The following LAMA2 variants were observed in gnomAD, a reference collection of about 807,000 sequenced individuals.
LAMA2 encodes the protein laminin subunit alpha-2.
LAMA2 carries 269 observed loss-of-function variants against 364.8 expected under a neutral mutation model. The observed-to-expected ratio is 0.74, with a 90% confidence interval of 0.67 to 0.82. The LOEUF (loss-of-function observed/expected upper bound fraction) is 0.82, where lower values mean the gene tolerates loss of function less well. Among genes scored for constraint, LAMA2 ranks in the 40% least tolerant of loss-of-function variants. LAMA2 has a pLI of 0.00. For synonymous variants in LAMA2, 1,379 were observed against 1,370.6 expected (o/e 1.01, Z -0.14); for missense variants, 3,807 against 3,873.2 (o/e 0.98, Z 0.45).
intron 1 of LAMA2, among the ~76,000 whole-genome samples, chr6:128,936,143 C>G (rs11969799): frequency 0.01 from 1,538 of 152,288 alleles, 31 homozygotes; most frequent in African/African-American, 0.035. Flanking sequence ...TGAGGTCTCC[C>G]CAGCCGTGCT....
At chr6:129,252,505 T>A (rs1189618817) in intron 14 of LAMA2, among the ~76,000 whole-genome samples, 1 of 152,226 alleles carries the variant, frequency 6.6e-6, no homozygotes, top group Non-Finnish European at 1.5e-5. Context: ...TTTTTATTAT[T>A]ATTGATGATT....
chr6:129,173,441 C>T (rs184420091), intron 9 of LAMA2, among the ~76,000 whole-genome samples: 24 of 152,264 alleles, frequency 1.6e-4, no homozygotes, highest in Non-Finnish European at 3.2e-4. Flanking sequence ...TTTAGACTTT[C>T]TCTTGAGGTC....
chr6:129,457,420 A>G (rs2114796644), intron 48 of LAMA2, among the ~76,000 whole-genome samples: 1 of 152,196 alleles, frequency 6.6e-6, no homozygotes, highest in South Asian at 2.1e-4. Context: ...ACAGTAGTAC[A>G]AAAGCCATGA....
intron 5 of LAMA2, among the ~76,000 whole-genome samples, chr6:129,146,701 C>T (rs1398483369): frequency 6.6e-6 from 1 of 152,000 alleles, no homozygotes; most frequent in African/African-American, 2.4e-5. Flanking sequence ...CTAGCATGGA[C>T]TTGGTGCTGA....
At chr6:129,506,442 T>C (rs893716612) in intron 61 of LAMA2, among the ~76,000 whole-genome samples, 2 of 152,070 alleles carry the variant, frequency 1.3e-5, no homozygotes, top group South Asian at 4.1e-4. Context: ...ATGAAAATGA[T>C]GGTATGTATT....
intron 1 of LAMA2, among the ~76,000 whole-genome samples, chr6:128,888,430 A>G (rs1312101287): frequency 6.6e-6 from 1 of 152,246 alleles, no homozygotes; most frequent in Non-Finnish European, 1.5e-5. Context: ...GAAGCAACAA[A>G]AGAACACCTA....
intron 15 of LAMA2, among the ~76,000 whole-genome samples, chr6:129,264,473 T>TAATATTCA (rs1385803948): frequency 3.3e-5 from 5 of 152,094 alleles, no homozygotes; most frequent in African/African-American, 1.2e-4. Context: ...TGTGTATTTA[T>TAATATTCA]AATATTCAGG....
chr6:129,159,034 C>T, intron 8 of LAMA2: 1 of 1,580,234 alleles, frequency 6.3e-7, no homozygotes, highest in Non-Finnish European at 8.7e-7. Context: ...TGCCGTGGAG[C>T]ATACTATCCA....
rs573183548 is a variant in LAMA2 at position 129,450,252 on chromosome 6, T to G, written c.6430-2736T>G. Among the ~76,000 whole-genome samples the G allele has an allele frequency of 3.3e-5, 5 of 152,284 alleles. No homozygotes were observed. In the East Asian group the frequency reaches 9.6e-4, roughly 29 times the overall value. ...TACATTTATATTGAGTCATCTCTTC[T>G]CTAAATAATAACTGAGGGATATTAT... On this transcript the variant is annotated intron_variant, in intron 45 of 64. Transcript: ENST00000421865.
At chr6:128,966,967 A>C (rs899259240) in intron 1 of LAMA2, among the ~76,000 whole-genome samples, 7 of 152,228 alleles carry the variant, frequency 4.6e-5, no homozygotes, top group Non-Finnish European at 7.3e-5. Context: ...CTCATAATAC[A>C]GCTAGTGAAG....
chr6:129,383,480 C>T (rs1051281565), intron 35 of LAMA2, among the ~76,000 whole-genome samples: 3 of 152,186 alleles, frequency 2.0e-5, no homozygotes, highest in Non-Finnish European at 4.4e-5. Context: ...ATTCTTGTAA[C>T]ATGGCTATTA....
At chr6:129,418,316 T>C (rs1780903369) in intron 40 of LAMA2, among the ~76,000 whole-genome samples, 1 of 152,022 alleles carries the variant, frequency 6.6e-6, no homozygotes, top group Non-Finnish European at 1.5e-5. Flanking sequence ...CTTTCACTAT[T>C]TTATACTCAA....
At chr6:129,119,122 A>AT (rs1483766470) in intron 4 of LAMA2, among the ~76,000 whole-genome samples, 2 of 152,106 alleles carry the variant, frequency 1.3e-5, no homozygotes, top group Non-Finnish European at 2.9e-5. Flanking sequence ...CCTAGATTTC[A>AT]TTTTTTATGC....
chr6:129,294,759 A>C (rs1180887402), intron 20 of LAMA2, among the ~76,000 whole-genome samples: 2 of 152,180 alleles, frequency 1.3e-5, no homozygotes, highest in Non-Finnish European at 2.9e-5. Context: ...AGGCGCCTCC[A>C]AGGCTGTCTC....
Position 129,190,266 on chromosome 6 carries a change from A to G in LAMA2, c.1529A>G (p.Asp510Gly), listed in dbSNP as rs772958683. 61 of 1,613,594 alleles carry G rather than the reference A, an allele frequency of 3.8e-5. No homozygotes were observed. Among genetic ancestry groups the G allele is most frequent in the East Asian group, 2.2e-4 (10 of 44,870 alleles). Residue 510 changes from aspartate to glycine, a missense_variant, in exon 11 of 65, where the codon GAT becomes GGT. This residue lies in a region of LAMA2 where 3,333 missense variants were observed against 3,345.7 expected (regional missense o/e 1.00). Transcript: ENST00000421865. ...TCCGGCTTCTTCAATTTGCAAGAGG[A>G]TAATTGGAAAGGCTGCGATGAGTGT... Reference protein sequence around the residue: ...CKSGFFNLQEDNWKGCDECFC... With the variant: ...CKSGFFNLQEGNWKGCDECFC...
chr6:128,920,016 T>C (rs1778590281), intron 1 of LAMA2, among the ~76,000 whole-genome samples: 1 of 152,202 alleles, frequency 6.6e-6, no homozygotes, highest in Non-Finnish European at 1.5e-5. Context: ...AAAAATGAGC[T>C]GTATCCATTC....
At position 129,018,644 on chromosome 6, in the gene LAMA2, A is replaced by G. The variant is rs1020453490; in HGVS notation, c.113-31274A>G. On this transcript the variant is annotated intron_variant, in intron 1 of 64. Transcript: ENST00000421865. ...TTGGCTATTTCACTGGATATTTCTAAATGATAGGGTCCTATTCATATATCT... is the reference window on the plus strand; with the variant it reads ...TTGGCTATTTCACTGGATATTTCTAGATGATAGGGTCCTATTCATATATCT... Among the ~76,000 whole-genome samples, 71 of 151,948 alleles carry G rather than the reference A, an allele frequency of 4.7e-4. 1 individual carries two copies. Among genetic ancestry groups the G allele is most frequent in the Non-Finnish European group, 8.8e-5 (6 of 67,922 alleles).
chr6:128,919,502 A>G (rs911576971), intron 1 of LAMA2, among the ~76,000 whole-genome samples: 1 of 152,186 alleles, frequency 6.6e-6, no homozygotes, highest in African/African-American at 2.4e-5. Context: ...TTGTCGGTTC[A>G]AATGGTGAGT....
chr6:129,195,099 T>C (rs758165690), intron 12 of LAMA2, among the ~76,000 whole-genome samples: 5 of 152,206 alleles, frequency 3.3e-5, no homozygotes, highest in Non-Finnish European at 7.3e-5. Flanking sequence ...CCTCTGCTTT[T>C]TTAGTGTTAT....
Sources: gnomAD v4.1 joint callset for allele counts (sites outside exome capture counted in the v4.1 genomes callset) on GRCh38, gnomAD v4.1.1 for gene constraint, gnomAD v4.1.1 regional missense constraint, MANE v1.5 for transcripts, NCBI Gene and HGNC (gene_info 2026-07-23, HGNC 2026-07-21) for gene names.